The following FAM118B variants were observed in gnomAD, a reference collection of about 807,000 sequenced individuals.
FAM118B encodes the protein SIR2 antiphage like 1.
FAM118B carries 24 observed loss-of-function variants against 38.5 expected under a neutral mutation model. That is an observed-to-expected ratio of 0.62 (90% CI 0.45 to 0.88). FAM118B has a LOEUF of 0.88. Among genes scored for constraint, FAM118B ranks in the 40% least tolerant of loss-of-function variants. The pLI is 0.00. For missense variants in FAM118B, 334 were observed against 420.0 expected (o/e 0.80, Z 1.79); for synonymous variants, 138 against 156.3 (o/e 0.88, Z 0.87).
At chr11:126,237,474 G>A (rs1234644645) in intron 3 of FAM118B, among the ~76,000 whole-genome samples, 1 of 143,148 alleles carries the variant, frequency 7.0e-6, no homozygotes, top group African/African-American at 2.5e-5. Flanking sequence ...CTGACCTCAA[G>A]TGATCCACCT....
At chr11:126,232,761 T>A (rs955102649) in intron 2 of FAM118B, among the ~76,000 whole-genome samples, 1 of 151,370 alleles carries the variant, frequency 6.6e-6, no homozygotes, top group Non-Finnish European at 1.5e-5. Flanking sequence ...CTTAAAAAAA[T>A]ATATATCCCC....
At chr11:126,220,080 T>G (rs986964855) in intron 1 of FAM118B, among the ~76,000 whole-genome samples, 1 of 152,184 alleles carries the variant, frequency 6.6e-6, no homozygotes, top group African/African-American at 2.4e-5. Context: ...AAACTGCTTT[T>G]CTCCACATAA....
At chr11:126,241,511 A>G (rs1950357159) in intron 4 of FAM118B, among the ~76,000 whole-genome samples, 1 of 152,174 alleles carries the variant, frequency 6.6e-6, no homozygotes, top group South Asian at 2.1e-4. Context: ...TGAGTTGGAT[A>G]AAAGGACTCC....
intron 2 of FAM118B, among the ~76,000 whole-genome samples, chr11:126,229,646 T>C (rs1218328446): frequency 6.6e-6 from 1 of 152,202 alleles, no homozygotes; most frequent in African/African-American, 2.4e-5. Flanking sequence ...TTTCACCATC[T>C]TGGCCAGGCT....
At chr11:126,236,453 C>T (rs1310259207) in intron 3 of FAM118B, among the ~76,000 whole-genome samples, 2 of 152,076 alleles carry the variant, frequency 1.3e-5, no homozygotes, top group African/African-American at 4.8e-5. Context: ...TGACCTCTTT[C>T]CCTGTTTTTT....
chr11:126,227,586 C>T (rs1950159209), intron 1 of FAM118B, among the ~76,000 whole-genome samples: 1 of 151,986 alleles, frequency 6.6e-6, no homozygotes, highest in South Asian at 2.1e-4. Flanking sequence ...CATTTATTTT[C>T]CTTTTAATTC....
chr11:126,256,757 AG>A lies in FAM118B; in HGVS notation c.891del (p.Ile298LeufsTer20), dbSNP rs1950584979. ...FKKLRENMLD[K>X]GIKVISYGDD... is the part of the protein sequence containing the mutation. ...AAGCTTCGAGAAAACATGCTGGACA[AG>A]GGGATTAAAGTCATCTCCTATGGAG... is the stretch of plus-strand genomic sequence containing the variant. On this transcript the variant is annotated frameshift_variant, in exon 7 of 9. Transcript: ENST00000533050. LOFTEE classifies it high-confidence loss of function. This position sits in a 1 kb window ranked among gnomAD's most constrained non-coding sequence, Gnocchi z 6.6. The A allele has an allele frequency of 6.2e-7, 1 of 1,614,058 alleles. No individual in the cohort carries two copies. The highest frequency in any genetic ancestry group is 2.2e-5 in the East Asian group (1 of 44,890).
In FAM118B at chr11:126,256,792, G is replaced by A; in HGVS notation, c.922G>A (p.Ala308Thr). ...IKVISYGDDY[A>T]DLPEYFKRLT... The stretch of plus-strand genomic sequence containing the variant: ...AGTCATCTCCTATGGAGATGACTAT[G>A]CCGATCTTCCAGAATATTTCAAGCG... The change falls in exon 7 of 9, where the codon GCC becomes ACC. Residue 308 changes from alanine (A) to threonine (T), a missense_variant. Ala to Thr is a moderately conservative substitution (Grantham distance 58, BLOSUM62 0). Coordinates refer to ENST00000533050, the MANE Select transcript of FAM118B (RefSeq NM_024556.4). This position sits in a 1 kb window ranked among gnomAD's most constrained non-coding sequence, Gnocchi z 6.6. 2 of 1,613,274 alleles carry A rather than the reference G, an allele frequency of 1.2e-6. No homozygotes were observed. The highest frequency in any genetic ancestry group is 1.7e-6 in the Non-Finnish European group (2 of 1,179,454).
chr11:126,222,957 G>T (rs1950083999), intron 1 of FAM118B, among the ~76,000 whole-genome samples: 1 of 152,188 alleles, frequency 6.6e-6, no homozygotes, highest in Admixed American at 6.5e-5. Flanking sequence ...AAGTATAAAT[G>T]AAGAACTTGG....
chr11:126,229,678 C>T (rs35063253), intron 2 of FAM118B, among the ~76,000 whole-genome samples: 16,432 of 152,154 alleles, frequency 0.11, 1,159 homozygotes, highest in Non-Finnish European at 0.16. Flanking sequence ...CCTGACCTCA[C>T]GATCCACCCA....
At chr11:126,222,669 A>C (rs507113) in intron 1 of FAM118B, among the ~76,000 whole-genome samples, 27,676 of 152,184 alleles carry the variant, frequency 0.18, 2,655 homozygotes, top group South Asian at 0.22. Context: ...GAGAGAAAAT[A>C]CTACAACCTT....
At chr11:126,230,109 A>G (rs1220264672) in intron 2 of FAM118B, among the ~76,000 whole-genome samples, 2 of 152,244 alleles carry the variant, frequency 1.3e-5, no homozygotes, top group Non-Finnish European at 2.9e-5. Context: ...CAGAGGAATC[A>G]GATCTTGGCA....
At chr11:126,225,995 G>A (rs895299353) in intron 1 of FAM118B, among the ~76,000 whole-genome samples, 1 of 152,084 alleles carries the variant, frequency 6.6e-6, no homozygotes, top group Non-Finnish European at 1.5e-5. Context: ...AAAAGAAGAA[G>A]ATTACTAAAT....
chr11:126,212,546 G>T (rs999563209), intron 1 of FAM118B, among the ~76,000 whole-genome samples: 1 of 152,174 alleles, frequency 6.6e-6, no homozygotes, highest in African/African-American at 2.4e-5. Context: ...GGATGGTAGT[G>T]TTAAAAATAA....
At chr11:126,257,729 TTATG>T (rs1051276712) in intron 7 of FAM118B, among the ~76,000 whole-genome samples, 1 of 152,052 alleles carries the variant, frequency 6.6e-6, no homozygotes, top group Non-Finnish European at 1.5e-5. Flanking sequence ...TCTATGATGA[TTATG>T]TATTATATTT....
chr11:126,212,903 T>C (rs1022954988), intron 1 of FAM118B, among the ~76,000 whole-genome samples: 1 of 152,124 alleles, frequency 6.6e-6, no homozygotes. Flanking sequence ...AGTGGAATTC[T>C]GGAAATGAAT....
At chr11:126,249,783 A>T (rs527909990) in intron 4 of FAM118B, among the ~76,000 whole-genome samples, 1 of 151,702 alleles carries the variant, frequency 6.6e-6, no homozygotes, top group Admixed American at 6.6e-5. Context: ...CCAAACCACA[A>T]TTAGGGCTGT....
chr11:126,261,269 C>A, intron 7 of FAM118B, 156 bp from the exon 8 acceptor site: 1 of 618,834 alleles, frequency 1.6e-6, no homozygotes, highest in Non-Finnish European at 2.8e-6. Flanking sequence ...CCAGTTTATC[C>A]TCTCTGCCTC....
rs537028314 is a variant in FAM118B, at chr11:126,245,386, C to G, written c.339+4342C>G. On this transcript the variant is annotated intron_variant, in intron 4 of 8. Transcript: ENST00000533050. ...GGGAGACTCAAATTTTTTTTTCTTT[C>G]AAAGCTTACTACAGAGCCACAGTAA... The G allele has an allele frequency of 1.3e-3, 203 of 151,512 alleles. 1 individual carries two copies. Among genetic ancestry groups the G allele is most frequent in the African/African-American group, 4.8e-3 (197 of 41,346 alleles). The allele number at this position is 151,512 out of a possible 1,614,324, so 9.4% of individuals were successfully genotyped here. A position where few individuals can be genotyped will look rare whatever the true frequency, so the allele number is the denominator to read the frequency against.
Sources: allele counts gnomAD v4.1 joint callset (sites outside exome capture counted in the v4.1 genomes callset), GRCh38; gene constraint gnomAD v4.1.1; non-coding constraint Gnocchi (gnomAD v3.1); transcripts MANE v1.5; gene names NCBI Gene and HGNC (gene_info 2026-07-23, HGNC 2026-07-21).